Variants in ARMH4 observed in about 807,000 individuals in gnomAD.
ARMH4 encodes the protein armadillo-like helical domain-containing protein 4.
Under a neutral mutation model 61.9 loss-of-function variants are expected in ARMH4, and 49 were observed. The observed-to-expected ratio is 0.79, with a 90% CI of 0.63 to 1.00. The LOEUF (loss-of-function observed/expected upper bound fraction) is 1.00, where lower values mean the gene tolerates loss of function less well. Among genes scored for constraint, ARMH4 ranks in the 50% least tolerant of loss-of-function variants. The pLI is 0.00. For synonymous variants in ARMH4, 368 were observed against 341.5 expected (o/e 1.08, Z -0.85); for missense variants, 934 against 930.0 (o/e 1.00, Z -0.06).
intron 4 of ARMH4, among the ~76,000 whole-genome samples, chr14:58,098,781 T>G (rs1173630526): frequency 6.6e-6 from 1 of 152,092 alleles, no homozygotes; most frequent in Middle Eastern, 3.4e-3. Flanking sequence ...CTGACTTTTT[T>G]TTTTTTTAAG....
chr14:58,066,028 G>C (rs1884689919), intron 5 of ARMH4, among the ~76,000 whole-genome samples: 1 of 152,212 alleles, frequency 6.6e-6, no homozygotes, highest in Non-Finnish European at 1.5e-5. Context: ...CCTTAAAGCT[G>C]AGATCCTGAC....
At chr14:58,033,302 T>A (rs1883341765) in intron 5 of ARMH4, among the ~76,000 whole-genome samples, 1 of 107,134 alleles carries the variant, frequency 9.3e-6, no homozygotes, top group African/African-American at 3.2e-5. Context: ...CACTGACACC[T>A]CACACGGCAG....
intron 5 of ARMH4, among the ~76,000 whole-genome samples, chr14:58,094,561 GTGTA>G (rs928379024): frequency 1.4e-4 from 22 of 152,158 alleles, no homozygotes; most frequent in African/African-American, 5.1e-4. Context: ...GTGTGTGGAT[GTGTA>G]TGTGAGTGTG....
intron 5 of ARMH4, among the ~76,000 whole-genome samples, chr14:58,040,166 T>A (rs537580515): frequency 3.9e-5 from 6 of 152,290 alleles, no homozygotes; most frequent in African/African-American, 1.4e-4. Context: ...AATTGATTTT[T>A]TTTTTAACTT....
intron 4 of ARMH4, among the ~76,000 whole-genome samples, chr14:58,097,309 A>C (rs1388046151): frequency 3.3e-5 from 5 of 152,248 alleles, no homozygotes; most frequent in Non-Finnish European, 4.4e-5. Flanking sequence ...TCTGGAGATC[A>C]TTAAAAGTTT....
intron 5 of ARMH4, among the ~76,000 whole-genome samples, chr14:58,088,708 T>A (rs984503258): frequency 1.3e-5 from 2 of 152,186 alleles, no homozygotes; most frequent in Non-Finnish European, 2.9e-5. Flanking sequence ...CAGGAGTCTG[T>A]AATGTGACCA....
At chr14:58,094,108 T>C (rs1885666433) in intron 5 of ARMH4, among the ~76,000 whole-genome samples, 1 of 152,028 alleles carries the variant, frequency 6.6e-6, no homozygotes, top group African/African-American at 2.4e-5. Flanking sequence ...GGCGGGCAGA[T>C]CACCTAAGGT....
intron 5 of ARMH4, among the ~76,000 whole-genome samples, chr14:58,039,840 T>A (rs1955642): frequency 0.15 from 22,306 of 152,166 alleles, 2,128 homozygotes; most frequent in East Asian, 0.49. Flanking sequence ...CTGGGTATCA[T>A]GTAGAACTGC....
At chr14:58,086,572 C>G (rs1170862532) in intron 5 of ARMH4, among the ~76,000 whole-genome samples, 1 of 152,130 alleles carries the variant, frequency 6.6e-6, no homozygotes, top group Non-Finnish European at 1.5e-5. Context: ...CCCCACCCCC[C>G]ACATTACTAT....
chr14:58,041,916 C>A (rs1361298230), intron 5 of ARMH4, among the ~76,000 whole-genome samples: 1 of 151,988 alleles, frequency 6.6e-6, no homozygotes, highest in African/African-American at 2.4e-5. Context: ...TATATATGCA[C>A]CCAATACAGG....
chr14:58,030,759 C>T (rs1265598610), intron 5 of ARMH4, among the ~76,000 whole-genome samples: 1 of 152,206 alleles, frequency 6.6e-6, no homozygotes, highest in East Asian at 1.9e-4. Context: ...ATAATGTCTT[C>T]AAGGTTCATC....
At chr14:58,076,549 C>A (rs1313417034) in intron 5 of ARMH4, among the ~76,000 whole-genome samples, 5 of 151,688 alleles carry the variant, frequency 3.3e-5, no homozygotes. Flanking sequence ...AAACCTCACC[C>A]ATATTCTTAG....
At chr14:58,049,575 G>A (rs558947022) in intron 5 of ARMH4, among the ~76,000 whole-genome samples, 1 of 152,300 alleles carries the variant, frequency 6.6e-6, no homozygotes, top group South Asian at 2.1e-4. Context: ...ACTTGCTGAA[G>A]GATGGATGCA....
chr14:58,057,883 G>C (rs963984501), intron 5 of ARMH4, among the ~76,000 whole-genome samples: 1 of 152,140 alleles, frequency 6.6e-6, no homozygotes, highest in Non-Finnish European at 1.5e-5. Context: ...AGAGGACCTT[G>C]CTAGAGAGAT....
chr14:58,057,645 A>C (rs1422560077), intron 5 of ARMH4, among the ~76,000 whole-genome samples: 1 of 152,064 alleles, frequency 6.6e-6, no homozygotes, highest in African/African-American at 2.4e-5. Flanking sequence ...AGATGTAGTG[A>C]CCAAAATGCT....
In ARMH4 at chr14:58,004,630, G is replaced by A. The variant is rs947868912; in HGVS notation, c.*106C>T. 1.6e-5 allele frequency: 15 copies of A among 947,872 alleles called. 1 individual carries two copies. Among genetic ancestry groups the A allele is most frequent in the Admixed American group, 8.2e-5 (4 of 48,834 alleles). 58.7% of individuals were successfully genotyped at this position (947,872 alleles called of 1,614,324 possible). A position where few individuals can be genotyped will look rare whatever the true frequency, so the allele number is the denominator to read the frequency against. The stretch of plus-strand genomic sequence containing the variant: ...GCACCCAGCAGACACTAGGACTAAC[G>A]GCCTGATAGCAGCAATGTGGCAGGT... On this transcript the variant is annotated 3_prime_UTR_variant, in exon 8 of 8. Transcript: ENST00000267485.
intron 1 of ARMH4, among the ~76,000 whole-genome samples, chr14:58,142,818 C>T (rs1292615299): frequency 6.6e-6 from 1 of 152,052 alleles, no homozygotes; most frequent in African/African-American, 2.4e-5. Context: ...GACTTGAACT[C>T]CTGGGCTCAA....
intron 4 of ARMH4, among the ~76,000 whole-genome samples, chr14:58,126,028 G>A (rs569708252): frequency 6.6e-6 from 1 of 152,154 alleles, no homozygotes; most frequent in Non-Finnish European, 1.5e-5. Flanking sequence ...ACCACAGGGG[G>A]AGGGACAATG....
At chr14:58,146,796 T>C (rs962651223) in intron 1 of ARMH4, among the ~76,000 whole-genome samples, 5 of 152,346 alleles carry the variant, frequency 3.3e-5, no homozygotes, top group Middle Eastern at 3.4e-3. Flanking sequence ...TATTTCAGTA[T>C]GTTACCAAAA....
Sources: gnomAD v4.1 joint callset for allele counts (sites outside exome capture counted in the v4.1 genomes callset) on GRCh38, gnomAD v4.1.1 for gene constraint, MANE v1.5 for transcripts, NCBI Gene and HGNC (gene_info 2026-07-23, HGNC 2026-07-21) for gene names.